Variants in DPY30 observed in about 807,000 individuals in gnomAD.
DPY30 encodes dpy-30 histone methyltransferase complex regulatory subunit, also known as protein dpy-30 homolog.
A neutral mutation model predicts 16.2 loss-of-function variants in DPY30; 6 were observed. The observed-to-expected ratio is 0.37, with a 90% CI of 0.20 to 0.73. DPY30 has a LOEUF of 0.73. DPY30 is among the 30% of genes least tolerant of loss of function. The pLI is 0.51. For missense variants in DPY30, 73 were observed against 113.1 expected, an observed-to-expected ratio of 0.65 and a Z score of 1.61; for synonymous variants, 39 against 38.8, an observed-to-expected ratio of 1.00 and a Z score of -0.02.
intron 5 of DPY30, among the ~76,000 whole-genome samples, chr2:32,017,615 C>CAAAAAAAAAAAAA (rs59826181): frequency 7.4e-6 from 1 of 134,274 alleles, no homozygotes; most frequent in Non-Finnish European, 1.6e-5. Flanking sequence ...AACACCATCT[C>CAAAAAAAAAAAAA]AAAAAAAAAA....
intron 3 of DPY30, among the ~76,000 whole-genome samples, chr2:32,037,021 G>A (rs1382205515): frequency 6.6e-6 from 1 of 152,198 alleles, no homozygotes; most frequent in Non-Finnish European, 1.5e-5. Context: ...CAGAAACAAT[G>A]TCCGCCAGAA....
chr2:32,018,364 A>G (rs899583836), intron 5 of DPY30, among the ~76,000 whole-genome samples: 3 of 152,208 alleles, frequency 2.0e-5, no homozygotes. Context: ...ATTCCATGAA[A>G]GAACTCATAC....
Position 32,031,806 on chromosome 2 carries a change from T to G in DPY30, c.85-2070A>C, listed in dbSNP as rs187934924. 9.7e-3 allele frequency among the ~76,000 whole-genome samples: 1,475 copies of G among 151,530 alleles called. 26 individuals carry two copies. Among genetic ancestry groups the G allele is most frequent in the South Asian group, 0.048 (230 of 4,784 alleles). ...TACTCAGGAGGCTGAGGCAGGAGAA[T>G]CACTTGATTCCAGGAGGCAGAGGTT... is the stretch of plus-strand genomic sequence containing the variant. On this transcript the variant is annotated intron_variant, in intron 3 of 4. Coordinates refer to ENST00000342166, the MANE Select transcript of DPY30 (RefSeq NM_001321209.2).
intron 5 of DPY30, chr2:32,013,199 C>A (rs1226713913): frequency 6.6e-6 from 1 of 152,146 alleles, no homozygotes; most frequent in Non-Finnish European, 1.5e-5. Context: ...ATAAGCTGTT[C>A]TTTATAAATA....
chr2:32,024,028 G>A lies in DPY30; in HGVS notation c.*156C>T, dbSNP rs768833869. ...GTTTATGGTGATTAAATCAAAATAA[G>A]GGAAATATGTTATCTTCTGCAATTC... On this transcript the variant is annotated 3_prime_UTR_variant, in exon 5 of 5. Coordinates refer to ENST00000342166, the MANE Select transcript of DPY30 (RefSeq NM_001321209.2). The A allele has an allele frequency of 8.8e-5, 130 of 1,476,464 alleles. No homozygotes were observed. Among genetic ancestry groups the A allele is most frequent in the Non-Finnish European group, 1.1e-4 (128 of 1,121,516 alleles). The allele number at this position is 1,476,464 out of a possible 1,614,324, so 91.5% of individuals were successfully genotyped here.
At position 32,024,024 on chromosome 2, in the gene DPY30, A is replaced by G; in HGVS notation, c.*160T>C. The G allele has an allele frequency of 6.8e-7, 1 of 1,473,166 alleles. No homozygotes were observed. Among genetic ancestry groups the G allele is most frequent in the Non-Finnish European group, 8.9e-7 (1 of 1,119,914 alleles). The allele number at this position is 1,473,166 out of a possible 1,614,324, so 91.3% of individuals were successfully genotyped here. ...TATGGTTTATGGTGATTAAATCAAA[A>G]TAAGGGAAATATGTTATCTTCTGCA... is the stretch of plus-strand genomic sequence containing the variant. On this transcript the variant is annotated 3_prime_UTR_variant, in exon 5 of 5. Transcript: ENST00000342166.
intron 3 of DPY30, 91 bp downstream of exon 3, chr2:32,039,188 T>G: frequency 6.6e-7 from 1 of 1,524,976 alleles, no homozygotes; most frequent in Non-Finnish European, 9.1e-7. Flanking sequence ...AAGTTTTCCC[T>G]TGTGCATAGC....
intron 5 of DPY30, among the ~76,000 whole-genome samples, chr2:32,016,975 C>T (rs904262552): frequency 7.9e-5 from 12 of 152,000 alleles, no homozygotes; most frequent in South Asian, 2.1e-4. Context: ...CTCCGCCTCC[C>T]GGGTTCAAGC....
Position 32,031,249 on chromosome 2 carries a change from G to A in DPY30, c.85-1513C>T, listed in dbSNP as rs1032910009. Among the ~76,000 whole-genome samples the A allele has an allele frequency of 5.3e-5, 8 of 151,674 alleles. 1 individual carries two copies. Among genetic ancestry groups the A allele is most frequent in the Admixed American group, 2.0e-4 (3 of 15,204 alleles). On this transcript the variant is annotated intron_variant, in intron 3 of 4. Coordinates refer to ENST00000342166, the MANE Select transcript of DPY30 (RefSeq NM_001321209.2). ...AGCCTGGCCAATACGGCAAAACCCC[G>A]TCTCTACTAATAATACAAAAATTAG...
At chr2:32,023,782 G>A (rs1416214810), downstream of DPY30, 9 of 1,305,770 alleles carry the variant, frequency 6.9e-6, no homozygotes, top group Non-Finnish European at 9.1e-6. Context: ...ATACTTGACT[G>A]CTGTATTTTC....
intron 3 of DPY30, among the ~76,000 whole-genome samples, chr2:32,035,360 T>G (rs1675695564): frequency 6.6e-6 from 1 of 151,912 alleles, no homozygotes; most frequent in South Asian, 2.1e-4. Context: ...TCCCAGCACT[T>G]TGGGAGGCCG....
At chr2:32,011,969 T>C (rs1364395479) in exon 6 of DPY30, 1 of 152,206 alleles carries the variant, frequency 6.6e-6, no homozygotes, top group East Asian at 1.9e-4. Flanking sequence ...GGCGGGAGGA[T>C]CACTTGAGCC....
intron 5 of DPY30, chr2:32,012,162 A>T (rs896375945): frequency 1.3e-5 from 2 of 152,280 alleles, no homozygotes; most frequent in Admixed American, 6.5e-5. Context: ...GTTTACTTTT[A>T]AAAGTGCTAT....
intron 4 of DPY30, among the ~76,000 whole-genome samples, chr2:32,024,547 A>G (rs1422332755): frequency 6.6e-6 from 1 of 152,196 alleles, no homozygotes; most frequent in African/African-American, 2.4e-5. Flanking sequence ...AGAAAGAATA[A>G]TGACTTGAAG....
At chr2:32,012,513 C>G (rs1674975618) in intron 5 of DPY30, among the ~76,000 whole-genome samples, 1 of 147,412 alleles carries the variant, frequency 6.8e-6, no homozygotes, top group African/African-American at 2.5e-5. Flanking sequence ...TCGCTGCAAC[C>G]TCCGCCTCCC....
intron 4 of DPY30, among the ~76,000 whole-genome samples, chr2:32,027,486 T>C (rs977408165): frequency 2.8e-5 from 4 of 144,332 alleles, no homozygotes; most frequent in Non-Finnish European, 6.0e-5. Context: ...CCTGAGATCA[T>C]GCCACTGCAT....
chr2:32,019,290 G>T (rs1675124083), downstream of DPY30, among the ~76,000 whole-genome samples: 1 of 152,060 alleles, frequency 6.6e-6, no homozygotes, highest in Non-Finnish European at 1.5e-5. Flanking sequence ...CTACTAGCTA[G>T]ATCAGTGGGA....
At chr2:32,023,075 T>TG (rs1214130486), downstream of DPY30, among the ~76,000 whole-genome samples, 1 of 151,052 alleles carries the variant, frequency 6.6e-6, no homozygotes, top group Non-Finnish European at 1.5e-5. Context: ...CCCAGCACTT[T>TG]GGGGGGCCAA....
At chr2:32,036,540 C>A (rs1040066181) in intron 3 of DPY30, among the ~76,000 whole-genome samples, 1 of 151,036 alleles carries the variant, frequency 6.6e-6, no homozygotes, top group Non-Finnish European at 1.5e-5. Flanking sequence ...GGCATGGTGG[C>A]GGCGCCTGTA....
Sources: allele counts gnomAD v4.1 joint callset (sites outside exome capture counted in the v4.1 genomes callset), GRCh38; gene constraint gnomAD v4.1.1; transcripts MANE v1.5; gene names NCBI Gene and HGNC (gene_info 2026-07-23, HGNC 2026-07-21).